SVOPL: variants seen among roughly 807,000 people sequenced by gnomAD.
The protein encoded by SVOPL is SVOP like, also known as putative transporter SVOPL.
Under a neutral mutation model 61.0 loss-of-function variants are expected in SVOPL, and 60 were observed. That is an observed-to-expected ratio of 0.98 (90% CI 0.80 to 1.22). The LOEUF is 1.22. Ranked by LOEUF, SVOPL falls within the 50% of genes most tolerant of loss-of-function variation. The pLI, the probability that SVOPL is intolerant of heterozygous loss-of-function variation, is 0.00. For synonymous variants in SVOPL, 279 were observed against 250.0 expected, an observed-to-expected ratio of 1.12 and a Z score of -1.09; for missense variants, 662 against 643.9, an observed-to-expected ratio of 1.03 and a Z score of -0.30.
intron 14 of SVOPL, among the ~76,000 whole-genome samples, chr7:138,603,869 A>C (rs1283735668): frequency 6.6e-6 from 1 of 152,048 alleles, no homozygotes; most frequent in African/African-American, 2.4e-5. Context: ...GACAGACTCC[A>C]GAACACTCCC....
Position 138,694,248 on chromosome 7 carries a change from G to GT in SVOPL, c.-35+6929dup, listed in dbSNP as rs113730389. 6.6e-5 allele frequency among the ~76,000 whole-genome samples: 10 copies of GT among 152,084 alleles called. 1 individual carries two copies. Among genetic ancestry groups the GT allele is most frequent in the East Asian group, 1.9e-4 (1 of 5,182 alleles). ...ATAAGGAAGGTCACCACACTGTTGGGTTTTTTTTGTTTTTGAGACGGAGTC... is the reference window on the plus strand; with the variant it reads ...ATAAGGAAGGTCACCACACTGTTGGGTTTTTTTTTGTTTTTGAGACGGAGTC... On this transcript the variant is annotated intron_variant, in intron 1 of 15. Coordinates refer to ENST00000674285, the MANE Select transcript of SVOPL (RefSeq NM_001139456.2).
At chr7:138,660,652 A>C in intron 5 of SVOPL, 1 of 985,452 alleles carries the variant, frequency 1.0e-6, no homozygotes, top group Non-Finnish European at 1.2e-6. Context: ...ATATCTGTAC[A>C]TAAGTCGTTA....
intron 3 of SVOPL, among the ~76,000 whole-genome samples, chr7:138,675,849 G>A (rs898671774): frequency 8.6e-5 from 13 of 151,220 alleles, no homozygotes; most frequent in African/African-American, 2.2e-4. Flanking sequence ...TTTGTTCCCC[G>A]CCTTCCACCC....
intron 14 of SVOPL, among the ~76,000 whole-genome samples, chr7:138,608,748 T>A (rs1423206561): frequency 1.3e-5 from 2 of 151,630 alleles, no homozygotes; most frequent in South Asian, 4.2e-4. Flanking sequence ...AGAAAAGAGG[T>A]GTGTGTTTTT....
At chr7:138,649,282 C>A in intron 7 of SVOPL, 145 bp from the exon 8 acceptor site, 1 of 1,162,880 alleles carries the variant, frequency 8.6e-7, no homozygotes. Flanking sequence ...CCACTTTGTC[C>A]AGCATTTTGC....
intron 14 of SVOPL, among the ~76,000 whole-genome samples, chr7:138,603,944 CTTAAT>C (rs1461470271): frequency 2.5e-4 from 38 of 149,346 alleles, no homozygotes; most frequent in African/African-American, 8.6e-4. Context: ...TCTCAAAAAC[CTTAAT>C]TTATTCTTTT....
chr7:138,683,461 G>C (rs1044016074), intron 1 of SVOPL, among the ~76,000 whole-genome samples: 1 of 151,924 alleles, frequency 6.6e-6, no homozygotes, highest in Admixed American at 6.6e-5. Context: ...TCTGCCCCCC[G>C]GGTTCAAGCA....
At position 138,628,318 on chromosome 7, in the gene SVOPL, A is replaced by G. The variant is rs139901589; in HGVS notation, c.909T>C (p.Ala303=). The change falls in exon 11 of 16, where the codon GCT becomes GCC. Residue 303 remains alanine, a synonymous_variant. Coordinates refer to ENST00000674285, the MANE Select transcript of SVOPL (RefSeq NM_001139456.2). ...FAYYGVILAS[A]ELLERDLVCG... ...AGACCAAGTCCCGCTCCAGCAGCTC[A>G]GCACTGGCCAGGATAACCCCATAGT... 1.7e-3 allele frequency: 2,746 copies of G among 1,614,090 alleles called. 45 individuals are homozygous for G. The African/African-American group carries it at 0.033, about 19-fold the overall frequency.
At chr7:138,660,816 T>C (rs1435977778) in intron 5 of SVOPL, 1 of 978,792 alleles carries the variant, frequency 1.0e-6, no homozygotes, top group Non-Finnish European at 1.2e-6. Flanking sequence ...AATAATGATA[T>C]ATTAACACCA....
chr7:138,629,125 A>ATGTG (rs1159184418), intron 10 of SVOPL, among the ~76,000 whole-genome samples: 16 of 64,254 alleles, frequency 2.5e-4, no homozygotes, highest in African/African-American at 1.2e-3. Context: ...CATGTTTTAT[A>ATGTG]TATGTGTGTG....
intron 1 of SVOPL, among the ~76,000 whole-genome samples, chr7:138,687,661 CTT>C (rs1802850106): frequency 6.8e-6 from 1 of 147,490 alleles, no homozygotes; most frequent in Admixed American, 6.8e-5. Context: ...AAATTTAAAA[CTT>C]TTGTGCATCT....
chr7:138,698,809 T>C (rs1803127920), intron 1 of SVOPL, among the ~76,000 whole-genome samples: 1 of 151,106 alleles, frequency 6.6e-6, no homozygotes, highest in Non-Finnish European at 1.5e-5. Flanking sequence ...ATCGAACAAA[T>C]TTTTACAATT....
In SVOPL at chr7:138,621,846, GTATC is replaced by G. The variant is rs879287399; in HGVS notation, c.1264-715_1264-712del. 5.6e-3 allele frequency among the ~76,000 whole-genome samples: 332 copies of G among 58,970 alleles called. 12 individuals are homozygous for G. The highest frequency in any genetic ancestry group is 0.011 in the African/African-American group (165 of 14,700). The allele number at this position is 58,970 out of a possible 152,430, so 38.7% of individuals were successfully genotyped here. A position where few individuals can be genotyped will look rare whatever the true frequency, so the allele number is the denominator to read the frequency against. On this transcript the variant is annotated intron_variant, in intron 13 of 15. Transcript: ENST00000674285. ...TGTATCTATGTATCTATCTATCTAT[GTATC>G]TATCTATCTATCTATCTATCTATCT...
In SVOPL at chr7:138,630,128, G is replaced by A. The variant is rs1204410167; in HGVS notation, c.790-6C>T. 5 of 1,610,892 alleles carry A rather than the reference G, an allele frequency of 3.1e-6. 1 individual carries two copies. The highest frequency in any genetic ancestry group is 4.5e-5 in the East Asian group (2 of 44,864). ...GCAAATCTTCCTCTTTTTTCCTGGG[G>A]TAATGAAAAGGAGACAGAACATACT... is the stretch of plus-strand genomic sequence containing the variant. On this transcript the variant is annotated splice_region_variant and splice_polypyrimidine_tract_variant and intron_variant, in intron 9 of 15. Transcript: ENST00000674285.
chr7:138,671,952 C>G, intron 4 of SVOPL, 67 bp downstream of exon 4: 1 of 1,439,102 alleles, frequency 6.9e-7, no homozygotes, highest in Non-Finnish European at 9.6e-7. Context: ...CTCAGCCCTG[C>G]AGGATGGAGG....
At chr7:138,695,761 C>A (rs1803051557) in intron 1 of SVOPL, among the ~76,000 whole-genome samples, 1 of 152,002 alleles carries the variant, frequency 6.6e-6, no homozygotes, top group Admixed American at 6.6e-5. Context: ...TATTTTTATG[C>A]ATTGTTTGAA....
At chr7:138,649,224 A>AC in intron 7 of SVOPL, 87 bp from the exon 8 acceptor site, 1 of 1,453,620 alleles carries the variant, frequency 6.9e-7, no homozygotes, top group Non-Finnish European at 9.1e-7. Context: ...TTTTAGAAAG[A>AC]TTAAAATTCC....
chr7:138,649,073 C>T lies in SVOPL; in HGVS notation c.599G>A (p.Gly200Glu), dbSNP rs140498059. ...GLASVIIPTI[G>E]WRWLIRVASI... ...GGCGACGCGAATGAGCCAGCGCCAC[C>T]CGATGGTGGGGATGATCACAGAGGC... The change falls in exon 8 of 16, where the codon GGG becomes GAG. Residue 200 changes from glycine to glutamate, a missense_variant. Coordinates refer to ENST00000674285, the MANE Select transcript of SVOPL (RefSeq NM_001139456.2). The T allele has an allele frequency of 7.1e-5, 115 of 1,613,800 alleles. No homozygotes were observed. The African/African-American group carries it at 1.4e-3, about 20-fold the overall frequency.
chr7:138,661,146 T>C, intron 5 of SVOPL: 1 of 985,392 alleles, frequency 1.0e-6, no homozygotes, highest in Non-Finnish European at 1.2e-6. Flanking sequence ...TCCTTTGAGA[T>C]TCCTCCATTT....
Sources: allele counts gnomAD v4.1 joint callset (sites outside exome capture counted in the v4.1 genomes callset), GRCh38; gene constraint gnomAD v4.1.1; transcripts MANE v1.5; gene names NCBI Gene and HGNC (gene_info 2026-07-23, HGNC 2026-07-21).